NDUFA10: variants seen among roughly 807,000 people sequenced by gnomAD.
NDUFA10 encodes NADH:ubiquinone oxidoreductase subunit A10.
Under a neutral mutation model 47.8 loss-of-function variants are expected in NDUFA10, and 40 were observed. The ratio of observed to expected loss-of-function variants is 0.84; its 90% CI spans 0.65 to 1.09. The LOEUF is 1.09. NDUFA10 is among the 50% of genes least tolerant of loss of function. NDUFA10 has a pLI of 0.00. For missense variants in NDUFA10, 413 were observed against 451.1 expected (o/e 0.92, Z 0.76); for synonymous variants, 183 against 172.2 (o/e 1.06, Z -0.49).
At chr2:239,948,631 G>C (rs1279751635) in intron 4 of NDUFA10, among the ~76,000 whole-genome samples, 3 of 152,194 alleles carry the variant, frequency 2.0e-5, no homozygotes, top group South Asian at 4.1e-4. Flanking sequence ...CCCGGATCCT[G>C]ACTCGAGCCT....
Position 239,958,253 on chromosome 2 carries a change from G to C in NDUFA10, c.*2865C>G, listed in dbSNP as rs1199370075. ...CAGATTTATATCCAGTGTGAGCACG[G>C]ACTATGCTTCTTCCCAGAAAGTAGC... On this transcript the variant is annotated 3_prime_UTR_variant, in exon 10 of 10. Coordinates refer to ENST00000252711, the MANE Select transcript of NDUFA10 (RefSeq NM_004544.4). 1.3e-5 allele frequency: 2 copies of C among 152,192 alleles called. No homozygotes were observed. The highest frequency in any genetic ancestry group is 4.8e-5 in the African/African-American group (2 of 41,448). The allele number at this position is 152,192 out of a possible 1,614,324, so 9.4% of individuals were successfully genotyped here.
intron 4 of NDUFA10, chr2:240,017,665 C>A (rs539522376): frequency 3.5e-5 from 23 of 649,070 alleles, no homozygotes; most frequent in African/African-American, 2.7e-4. Context: ...GTGACCTGAC[C>A]CGCTGCTCAG....
At chr2:239,967,976 AT>A (rs66937381) in intron 9 of NDUFA10, among the ~76,000 whole-genome samples, 7 of 117,328 alleles carry the variant, frequency 6.0e-5, no homozygotes, top group East Asian at 2.4e-4. Context: ...AAGGAAAAAA[AT>A]ATACACACAC....
rs186992057 is a variant in NDUFA10, at chr2:239,993,949, C to T, written c.891-3767G>A. Among the ~76,000 whole-genome samples, 761 of 152,228 alleles carry T rather than the reference C, an allele frequency of 5.0e-3. 2 individuals are homozygous for T. Among genetic ancestry groups the T allele is most frequent in the Middle Eastern group, 0.02 (6 of 294 alleles). ...AGGACCACACAGAGGATGCAGAGAGCAGCAGCTCTAGCTCCTGCAGCCCGA... is the reference window on the plus strand; with the variant it reads ...AGGACCACACAGAGGATGCAGAGAGTAGCAGCTCTAGCTCCTGCAGCCCGA... On this transcript the variant is annotated intron_variant, in intron 8 of 9. Transcript: ENST00000252711.
intron 3 of NDUFA10, among the ~76,000 whole-genome samples, chr2:240,019,279 G>C (rs1370754867): frequency 1.3e-5 from 2 of 152,124 alleles, no homozygotes; most frequent in African/African-American, 2.4e-5. Flanking sequence ...CCTCCCTGTG[G>C]CGCCCTTAGC....
At chr2:239,897,398 T>A (rs994292564) in intron 4 of NDUFA10, among the ~76,000 whole-genome samples, 44 of 150,434 alleles carry the variant, frequency 2.9e-4, no homozygotes, top group Admixed American at 1.3e-4. Flanking sequence ...TAGATCATAC[T>A]TTTTCTTGAA....
rs374817574 is a variant in NDUFA10 at position 239,921,785 on chromosome 2, C to A, written c.295-26471G>T. Among the ~76,000 whole-genome samples, 27 of 152,252 alleles carry A rather than the reference C, an allele frequency of 1.8e-4. No individual in the cohort carries two copies. In the East Asian group the frequency reaches 4.1e-3, roughly 23 times the overall value. On this transcript the variant is annotated intron_variant, in intron 4 of 5. Coordinates refer to the NDUFA10 transcript ENST00000419408. ...GAGCTCCAGTTCCCTCTGGGTGAGG[C>A]CTCACGGAACCAGGCTCAGCCAGAT...
At chr2:239,950,067 C>A (rs545165144) in intron 4 of NDUFA10, among the ~76,000 whole-genome samples, 145 of 152,294 alleles carry the variant, frequency 9.5e-4, no homozygotes, top group Middle Eastern at 3.4e-3. Flanking sequence ...TCCCCACCTG[C>A]AGCCAAGCTT....
chr2:239,977,161 T>C (rs1574838056), intron 9 of NDUFA10, among the ~76,000 whole-genome samples: 1 of 152,100 alleles, frequency 6.6e-6, no homozygotes, highest in Non-Finnish European at 1.5e-5. Context: ...ACAGCAAGTC[T>C]AGAATGGGCA....
At chr2:239,983,512 C>G in intron 9 of NDUFA10, 1 of 1,597,438 alleles carries the variant, frequency 6.3e-7, no homozygotes, top group Non-Finnish European at 8.5e-7. Context: ...TCAGACAATT[C>G]TTACTCAACA....
chr2:240,023,090 C>T (rs139581111), intron 1 of NDUFA10, among the ~76,000 whole-genome samples: 2 of 152,292 alleles, frequency 1.3e-5, no homozygotes, highest in East Asian at 3.9e-4. Flanking sequence ...AAGGCAAAGA[C>T]CTGCTTCAAT....
At chr2:240,004,569 C>T (rs1394250902) in intron 8 of NDUFA10, among the ~76,000 whole-genome samples, 2 of 147,652 alleles carry the variant, frequency 1.4e-5, no homozygotes, top group Non-Finnish European at 2.9e-5. Flanking sequence ...TCTTCCACCG[C>T]GGCCTCCCCT....
downstream of NDUFA10, chr2:239,957,344 G>C (rs888111263): frequency 6.6e-6 from 1 of 151,980 alleles, no homozygotes; most frequent in Non-Finnish European, 1.5e-5. Context: ...TTAAAAGCTG[G>C]GATTTTTAAT....
In NDUFA10 at chr2:240,011,515, C is replaced by T. The variant is rs1421882691; in HGVS notation, c.749+102G>A. The T allele has an allele frequency of 3.6e-6, 3 of 831,248 alleles. No homozygotes were observed. In the African/African-American group the frequency reaches 5.1e-5, roughly 14 times the overall value. 51.5% of individuals were successfully genotyped at this position (831,248 alleles called of 1,614,324 possible). A position where few individuals can be genotyped will look rare whatever the true frequency, so the allele number is the denominator to read the frequency against. The stretch of plus-strand genomic sequence containing the variant: ...CAGATTAAACATCTCAGACAATATC[C>T]ACTGCAGTAAATAAGACAGAAAACT... On this transcript the variant is annotated intron_variant, in intron 6 of 9. Coordinates refer to ENST00000252711, the MANE Select transcript of NDUFA10 (RefSeq NM_004544.4).
chr2:239,957,816 A>C lies in NDUFA10; in HGVS notation c.*3302T>G, dbSNP rs1285532681. On this transcript the variant is annotated 3_prime_UTR_variant, in exon 10 of 10. Coordinates refer to ENST00000252711, the MANE Select transcript of NDUFA10 (RefSeq NM_004544.4). Reference sequence around the variant, plus strand: ...CAATGTCCAACATCCAAACTCACAGAGCCTGGCATTCCGATGGGGAAGGAC... The same window carrying C: ...CAATGTCCAACATCCAAACTCACAGCGCCTGGCATTCCGATGGGGAAGGAC... The C allele has an allele frequency of 6.6e-6, 1 of 152,198 alleles. No individual in the cohort carries two copies. Among genetic ancestry groups the C allele is most frequent in the Non-Finnish European group, 1.5e-5 (1 of 68,044 alleles). 9.4% of individuals were successfully genotyped at this position (152,198 alleles called of 1,614,324 possible). A position where few individuals can be genotyped will look rare whatever the true frequency, so the allele number is the denominator to read the frequency against.
At chr2:240,014,709 T>A in intron 5 of NDUFA10, 30 bp downstream of exon 5, 3 of 1,614,094 alleles carry the variant, frequency 1.9e-6, no homozygotes, top group Non-Finnish European at 1.7e-6. Context: ...AAAATAGAGA[T>A]GCTTGGCCTT....
At position 239,922,404 on chromosome 2, in the gene NDUFA10, G is replaced by A. The variant is rs377563753; in HGVS notation, c.295-27090C>T. On this transcript the variant is annotated intron_variant, in intron 4 of 5. Transcript: ENST00000419408. ...AGTGAGCTGCAGGCCAAGGCATCAG[G>A]GACCCCAGGACAGAGAGGAGCACTC... Among the ~76,000 whole-genome samples the A allele has an allele frequency of 2.4e-4, 37 of 152,290 alleles. No individual in the cohort carries two copies. In the East Asian group the frequency reaches 6.0e-3, roughly 25 times the overall value.
Position 239,961,146 on chromosome 2 carries a change from A to T in NDUFA10, c.1040T>A (p.Val347Glu). The change falls in exon 10 of 10, where the codon GTG (valine) becomes GAG (glutamate). Residue 347 changes from valine to glutamate, a missense_variant. By Grantham distance (121) the Val-to-Glu change is moderately radical (BLOSUM62 -2). Coordinates refer to ENST00000252711, the MANE Select transcript of NDUFA10 (RefSeq NM_004544.4). ...CTTCAGCCAGATCCACTTGTCTCCC[A>T]CCTCGGTGTTGTACCCAGGGCTGTA... The part of the protein sequence containing the change: ...RKYSPGYNTE[V>E]GDKWIWLK The T allele has an allele frequency of 6.2e-7, 1 of 1,614,076 alleles. No individual in the cohort carries two copies. Among genetic ancestry groups the T allele is most frequent in the South Asian group, 1.1e-5 (1 of 91,076 alleles).
At chr2:239,972,346 G>A (rs1695337973) in intron 9 of NDUFA10, among the ~76,000 whole-genome samples, 1 of 152,114 alleles carries the variant, frequency 6.6e-6, no homozygotes, top group Non-Finnish European at 1.5e-5. Context: ...GGCAAGCAAT[G>A]GGTTATGCCA....
Sources: gnomAD v4.1 joint callset for allele counts (sites outside exome capture counted in the v4.1 genomes callset) on GRCh38, gnomAD v4.1.1 for gene constraint, MANE v1.5 for transcripts, NCBI Gene and HGNC (gene_info 2026-07-23, HGNC 2026-07-21) for gene names.